Variants in NR2C1 observed in about 807,000 individuals in gnomAD.
The protein encoded by NR2C1 is TR2 nuclear hormone receptor.
Under a neutral mutation model 74.8 loss-of-function variants are expected in NR2C1, and 33 were observed. That is an observed-to-expected ratio of 0.44 (90% CI 0.33 to 0.59). NR2C1 has a LOEUF of 0.59. NR2C1 is among the 20% of genes least tolerant of loss of function. The pLI is 0.02. For missense variants in NR2C1, 568 were observed against 715.6 expected, an observed-to-expected ratio of 0.79 and a Z score of 2.35; for synonymous variants, 225 against 240.6, an observed-to-expected ratio of 0.94 and a Z score of 0.60.
intron 9 of NR2C1, among the ~76,000 whole-genome samples, chr12:95,042,026 T>C (rs1354782133): frequency 6.6e-6 from 1 of 152,116 alleles, no homozygotes; most frequent in African/African-American, 2.4e-5. Flanking sequence ...TGGAAAAAAC[T>C]GTAAAACAGT....
intron 11 of NR2C1, 149 bp from the exon 12 acceptor site, chr12:95,028,673 G>C (rs1869671133): frequency 3.4e-6 from 2 of 584,214 alleles, no homozygotes; most frequent in Non-Finnish European, 5.9e-6. Flanking sequence ...CGCCCAGGTG[G>C]CAGTGCAGTG....
In NR2C1 at chr12:95,051,905, A is replaced by G; in HGVS notation, c.822T>C (p.Asn274=). The G allele has an allele frequency of 1.2e-6, 2 of 1,604,390 alleles. No individual in the cohort carries two copies. Among genetic ancestry groups the G allele is most frequent in the South Asian group, 2.2e-5 (2 of 89,596 alleles). ...SCQGDLSTLA[N]VVTSLANLGK... ...CAAGATTCGCTAATGATGTAACCAC[A>G]TTGGCCAATGTACTTAAATCTCCCT... The change falls in exon 8 of 14, where the codon AAT becomes AAC. Residue 274 remains asparagine, a synonymous_variant. Transcript: ENST00000333003.
chr12:95,036,165 T>G (rs1433060712), intron 10 of NR2C1, among the ~76,000 whole-genome samples: 1 of 151,866 alleles, frequency 6.6e-6, no homozygotes, highest in Non-Finnish European at 1.5e-5. Flanking sequence ...AATAAATGAC[T>G]ATTGTAGTTT....
At chr12:95,071,940 G>C (rs1876700710) in intron 1 of NR2C1, among the ~76,000 whole-genome samples, 1 of 150,874 alleles carries the variant, frequency 6.6e-6, no homozygotes, top group African/African-American at 2.4e-5. Context: ...TAGAAACGGG[G>C]TTTCTCCATG....
chr12:95,054,798 C>G (rs1219325809), intron 7 of NR2C1, among the ~76,000 whole-genome samples: 2 of 151,844 alleles, frequency 1.3e-5, no homozygotes, highest in Non-Finnish European at 2.9e-5. Context: ...AGGTGTTTCT[C>G]GCAGAGGGGG....
chr12:95,033,733 T>C (rs1870446181), intron 10 of NR2C1, among the ~76,000 whole-genome samples: 1 of 152,172 alleles, frequency 6.6e-6, no homozygotes, highest in Admixed American at 6.5e-5. Context: ...GTATCCTCAC[T>C]GAAGGCAGAG....
intron 1 of NR2C1, among the ~76,000 whole-genome samples, chr12:95,071,655 C>T (rs1433834866): frequency 2.6e-5 from 4 of 151,914 alleles, no homozygotes; most frequent in Non-Finnish European, 5.9e-5. Context: ...TGAGGCCCCC[C>T]ACCATTTCTA....
At position 95,062,678 on chromosome 12, in the gene NR2C1, T is replaced by C; in HGVS notation, c.115A>G (p.Thr39Ala). The change falls in exon 3 of 14, where the codon ACC becomes GCC. Residue 39 changes from threonine (T) to alanine (A), a missense_variant. Physicochemically the swap from Thr to Ala is moderately conservative, Grantham distance 58. Around this residue, in one of 6 missense-constraint regions of NR2C1, gnomAD observed 128 missense variants for 118.9 expected, o/e 1.08. Coordinates refer to ENST00000333003, the MANE Select transcript of NR2C1 (RefSeq NM_003297.4). ...GTCAGAATGAACTGCTTGCCTTGGG[T>C]ATTATGATCAAGTGCTGTCACAATC... is the stretch of plus-strand genomic sequence containing the variant. ...IQIVTALDHN[T>A]QGKQFILTNH... is the part of the protein sequence containing the mutation. The C allele has an allele frequency of 6.2e-7, 1 of 1,614,182 alleles. No homozygotes were observed. Among genetic ancestry groups the C allele is most frequent in the South Asian group, 1.1e-5 (1 of 91,076 alleles).
chr12:95,028,292 C>A, intron 12 of NR2C1, 95 bp downstream of exon 12: 1 of 989,370 alleles, frequency 1.0e-6, no homozygotes, highest in South Asian at 1.5e-5. Flanking sequence ...CAGGTAACTG[C>A]ACCATTTTAC....
chr12:95,052,700 T>G lies in NR2C1; in HGVS notation c.784-757A>C, dbSNP rs187693827. 2.0e-5 allele frequency among the ~76,000 whole-genome samples: 3 copies of G among 152,170 alleles called. No individual in the cohort carries two copies. In the East Asian group the frequency reaches 5.8e-4, roughly 30 times the overall value. On this transcript the variant is annotated intron_variant, in intron 7 of 13. Transcript: ENST00000333003. ...ACTCCTGGTATCAAGTGATCCTCCC[T>G]GCCTCAGCCTCCTGAGTACAATTTC...
At chr12:95,055,108 A>C (rs962974981) in intron 7 of NR2C1, among the ~76,000 whole-genome samples, 27 of 152,134 alleles carry the variant, frequency 1.8e-4, no homozygotes, top group African/African-American at 6.5e-4. Context: ...AAGGCAGAAG[A>C]ATTTTTCTTT....
intron 7 of NR2C1, among the ~76,000 whole-genome samples, chr12:95,054,159 T>G (rs1266668828): frequency 6.6e-6 from 1 of 152,232 alleles, no homozygotes. Flanking sequence ...AGTTATCATG[T>G]TCTTACATAA....
Position 95,062,765 on chromosome 12 carries a change from T to C in NR2C1, c.55-27A>G, listed in dbSNP as rs186088195. The stretch of plus-strand genomic sequence containing the variant: ...TAACAAAATCATGAAAAATAATCAA[T>C]GAAACTCAATAATTTTTCTTTAATG... On this transcript the variant is annotated intron_variant, in intron 2 of 13. Transcript: ENST00000333003. The C allele has an allele frequency of 1.5e-4, 235 of 1,543,414 alleles. No individual in the cohort carries two copies. The African/African-American group carries it at 2.8e-3, about 18-fold the overall frequency.
At chr12:95,067,051 A>T in intron 2 of NR2C1, 1 of 446,436 alleles carries the variant, frequency 2.2e-6, no homozygotes, top group Non-Finnish European at 3.9e-6. Flanking sequence ...AAGCATTCCT[A>T]CTCACTCTAC....
intron 10 of NR2C1, among the ~76,000 whole-genome samples, chr12:95,038,352 G>C (rs1871117069): frequency 6.6e-6 from 1 of 152,180 alleles, no homozygotes; most frequent in Non-Finnish European, 1.5e-5. Flanking sequence ...CCTCCCTTTT[G>C]TTGTTTTATT....
At chr12:95,065,907 G>A (rs533749694) in intron 2 of NR2C1, among the ~76,000 whole-genome samples, 24 of 149,310 alleles carry the variant, frequency 1.6e-4, no homozygotes, top group Admixed American at 6.0e-4. Context: ...CCAAGACAGC[G>A]CCACTACACT....
chr12:95,048,965 A>T, intron 9 of NR2C1, 103 bp downstream of exon 9: 1 of 1,051,008 alleles, frequency 9.5e-7, no homozygotes. Flanking sequence ...TCTATCAGGG[A>T]TATTTCTGAC....
intron 1 of NR2C1, among the ~76,000 whole-genome samples, chr12:95,072,471 A>AG (rs1555214171): frequency 0.011 from 1,610 of 150,702 alleles, 21 homozygotes; most frequent in African/African-American, 0.038. Context: ...AAAAAAAAAA[A>AG]AAAGAAAAAA....
At chr12:95,054,300 C>CT (rs546713451) in intron 7 of NR2C1, among the ~76,000 whole-genome samples, 18,261 of 142,128 alleles carry the variant, frequency 0.13, 1,797 homozygotes, top group African/African-American at 0.28. Flanking sequence ...AAAGTCTATG[C>CT]TTTTTTTTTT....
Sources: allele counts gnomAD v4.1 joint callset (sites outside exome capture counted in the v4.1 genomes callset), GRCh38; gene constraint gnomAD v4.1.1; regional missense constraint gnomAD v4.1.1; transcripts MANE v1.5; gene names NCBI Gene and HGNC (gene_info 2026-07-23, HGNC 2026-07-21).